Variants in IFT172 observed in about 807,000 individuals in gnomAD.
IFT172 encodes the protein intraflagellar transport protein 172 homolog.
IFT172 carries 164 observed loss-of-function variants against 248.9 expected under a neutral mutation model. The ratio of observed to expected loss-of-function variants is 0.66; its 90% CI spans 0.58 to 0.75. The LOEUF (loss-of-function observed/expected upper bound fraction) is 0.75. IFT172 is among the 30% of genes least tolerant of loss of function. The probability of loss-of-function intolerance (pLI) is 0.00; values close to 1 mark genes in which losing one functional copy is unlikely to be tolerated. For missense variants in IFT172, 1,950 were observed against 2,192.4 expected, an observed-to-expected ratio of 0.89 and a Z score of 2.21; for synonymous variants, 729 against 791.6, an observed-to-expected ratio of 0.92 and a Z score of 1.33.
At chr2:27,458,017 C>T (rs1432984867) in intron 27 of IFT172, 41 bp from the exon 28 acceptor site, 1 of 1,613,850 alleles carries the variant, frequency 6.2e-7, no homozygotes, top group Non-Finnish European at 8.5e-7. Flanking sequence ...AGACCCGACC[C>T]CTGCTATCAC....
At chr2:27,468,625 A>C (rs539284255) in intron 16 of IFT172, among the ~76,000 whole-genome samples, 26 of 151,804 alleles carry the variant, frequency 1.7e-4, no homozygotes, top group Non-Finnish European at 3.7e-4. Flanking sequence ...TGAGGCGGGC[A>C]GATCACGAGG....
intron 43 of IFT172, 95 bp from the exon 44 acceptor site, chr2:27,446,083 G>T: frequency 6.7e-7 from 1 of 1,485,568 alleles, no homozygotes; most frequent in South Asian, 1.1e-5. Context: ...AGCAAGCTGG[G>T]CTTGAATGCT....
chr2:27,461,899 G>GCT, intron 20 of IFT172, 63 bp from the exon 21 acceptor site: 1 of 1,582,086 alleles, frequency 6.3e-7, no homozygotes, highest in Non-Finnish European at 8.7e-7. Flanking sequence ...AAAGCAGCAA[G>GCT]CTCTCCTCAG....
rs747166252 is a variant in IFT172, at chr2:27,485,140, TAA to T, written c.184-12_184-11del. 1,776 of 1,272,778 alleles carry T rather than the reference TAA, an allele frequency of 1.4e-3. No individual in the cohort carries two copies. Among genetic ancestry groups the T allele is most frequent in the Non-Finnish European group, 1.6e-3 (1,510 of 920,594 alleles). The allele number at this position is 1,272,778 out of a possible 1,614,324, so 78.8% of individuals were successfully genotyped here. ...AGCTCTTCCTGCCATACTAAGAGTT[TAA>T]AAAAAAAAAAAGAAAGAAAAAGAAG... On this transcript the variant is annotated splice_polypyrimidine_tract_variant and intron_variant, in intron 2 of 47. Coordinates refer to ENST00000260570, the MANE Select transcript of IFT172 (RefSeq NM_015662.3).
intron 17 of IFT172, 35 bp from the exon 18 acceptor site, chr2:27,465,553 G>C (rs757279518): frequency 6.2e-7 from 1 of 1,602,958 alleles, no homozygotes; most frequent in South Asian, 1.1e-5. Context: ...TAATGAATGA[G>C]GAATGGGTTA....
In IFT172 at chr2:27,453,625, C is replaced by T. The variant is rs1251444157; in HGVS notation, c.3821+5G>A. The T allele has an allele frequency of 6.2e-7, 1 of 1,610,526 alleles. No individual in the cohort carries two copies. Among genetic ancestry groups the T allele is most frequent in the Admixed American group, 1.7e-5 (1 of 59,520 alleles). ...CCAATGCTGCCTGGACCTCTGGCCT[C>T]ATACCTGGCCCCCTTCTTAGTAGCT... is the stretch of plus-strand genomic sequence containing the variant. On this transcript the variant is annotated splice_donor_5th_base_variant and intron_variant, in intron 34 of 47. Transcript: ENST00000260570.
intron 20 of IFT172, among the ~76,000 whole-genome samples, chr2:27,462,275 C>T (rs917400160): frequency 1.3e-5 from 2 of 152,098 alleles, no homozygotes; most frequent in African/African-American, 2.4e-5. Flanking sequence ...TCATGTGATC[C>T]ACCTGCCTCA....
In IFT172 at chr2:27,476,650, T is replaced by C; in HGVS notation, c.1402A>G (p.Ile468Val). ...KLAYLIDIKTIAIVDLIGGYN... is the reference protein window; with the variant it reads ...KLAYLIDIKTVAIVDLIGGYN... ...AGAGAGTCTTACTCACCTATAGCAATAGTCTTAATATCAATAAGATAAGCC... is the reference window on the plus strand; with the variant it reads ...AGAGAGTCTTACTCACCTATAGCAACAGTCTTAATATCAATAAGATAAGCC... Residue 468 changes from isoleucine (I) to valine (V), a missense_variant, in exon 14 of 48, where the codon ATT (isoleucine) becomes GTT (valine). By Grantham distance (29) the Ile-to-Val change is conservative (BLOSUM62 3). Transcript: ENST00000260570. 6.4e-7 allele frequency: 1 copy of C among 1,568,754 alleles called. No homozygotes were observed. Among genetic ancestry groups the C allele is most frequent in the African/African-American group, 1.3e-5 (1 of 74,122 alleles).
intron 7 of IFT172, among the ~76,000 whole-genome samples, chr2:27,482,841 G>A (rs1053089286): frequency 6.6e-6 from 1 of 151,726 alleles, no homozygotes; most frequent in Admixed American, 6.6e-5. Flanking sequence ...TAAGCTCCAG[G>A]CTCCTAAACA....
chr2:27,476,633 T>G lies in IFT172; in HGVS notation c.1411+8A>C, dbSNP rs1343654184. The G allele has an allele frequency of 6.8e-7, 1 of 1,481,032 alleles. No individual in the cohort carries two copies. Among genetic ancestry groups the G allele is most frequent in the African/African-American group, 1.4e-5 (1 of 71,988 alleles). 91.7% of individuals were successfully genotyped at this position (1,481,032 alleles called of 1,614,324 possible). A position where few individuals can be genotyped will look rare whatever the true frequency, so the allele number is the denominator to read the frequency against. On this transcript the variant is annotated splice_region_variant and intron_variant, in intron 14 of 47. Transcript: ENST00000260570. The stretch of plus-strand genomic sequence containing the variant: ...TTGTTATTAAAATTATGAGAGAGTC[T>G]TACTCACCTATAGCAATAGTCTTAA...
At chr2:27,469,558 G>A (rs1487715161) in intron 16 of IFT172, among the ~76,000 whole-genome samples, 3 of 152,078 alleles carry the variant, frequency 2.0e-5, no homozygotes, top group Non-Finnish European at 4.4e-5. Context: ...CAGGCAGGGC[G>A]TGGTGGCTCA....
chr2:27,445,181 G>A lies in IFT172; in HGVS notation c.5069-76C>T, dbSNP rs1664947243. 4 of 1,596,992 alleles carry A rather than the reference G, an allele frequency of 2.5e-6. No individual in the cohort carries two copies. Among genetic ancestry groups the A allele is most frequent in the African/African-American group, 1.3e-5 (1 of 74,418 alleles). ...GGAAAAATGAGGAGCAGCCTGGGGGGTAGAAAGCACAGTCCTGTCTTTTGT... is the reference window on the plus strand; with the variant it reads ...GGAAAAATGAGGAGCAGCCTGGGGGATAGAAAGCACAGTCCTGTCTTTTGT... On this transcript the variant is annotated intron_variant, in intron 46 of 47. Transcript: ENST00000260570. The surrounding 1 kb of genome is among the most constrained non-coding windows in gnomAD (Gnocchi z 4.4).
At chr2:27,461,899 G>A (rs1666709494) in intron 20 of IFT172, 63 bp from the exon 21 acceptor site, 2 of 1,582,086 alleles carry the variant, frequency 1.3e-6, no homozygotes, top group Non-Finnish European at 1.7e-6. Context: ...AAAGCAGCAA[G>A]CTCTCCTCAG....
Position 27,461,766 on chromosome 2 carries a change from T to G in IFT172, c.2186A>C (p.Glu729Ala). The G allele has an allele frequency of 6.2e-7, 1 of 1,614,130 alleles. No homozygotes were observed. Among genetic ancestry groups the G allele is most frequent in the Admixed American group, 1.7e-5 (1 of 60,022 alleles). Residue 729 changes from glutamate to alanine, a missense_variant, in exon 21 of 48, where the codon GAA becomes GCA. Physicochemically the swap from Glu to Ala is moderately radical, Grantham distance 107. Coordinates refer to ENST00000260570, the MANE Select transcript of IFT172 (RefSeq NM_015662.3). ...AGAAGATAAAACAGGTACCTTGGCT[T>G]CAGCCACAGCGATACACTCATCCCA... ...HRWDECIAVA[E>A]AKGHPALEKL...
chr2:27,480,192 C>T, intron 8 of IFT172, 43 bp from the exon 9 acceptor site: 1 of 1,583,440 alleles, frequency 6.3e-7, no homozygotes, highest in Non-Finnish European at 8.6e-7. Context: ...TGAGGCTGAG[C>T]TAAAGAGTGC....
At chr2:27,446,585 C>T (rs1665125319) in intron 42 of IFT172, 3 of 421,222 alleles carry the variant, frequency 7.1e-6, no homozygotes, top group South Asian at 6.0e-5. Context: ...GCCATCTCAG[C>T]TCACTGCAAC....
intron 43 of IFT172, 74 bp from the exon 44 acceptor site, chr2:27,446,062 A>G: frequency 1.3e-6 from 2 of 1,565,694 alleles, no homozygotes; most frequent in Non-Finnish European, 1.8e-6. Flanking sequence ...ATCCAGATGC[A>G]AATGGGAGTG....
At chr2:27,459,685 C>G (rs772823893) in intron 24 of IFT172, 24 bp downstream of exon 24, 2 of 1,611,046 alleles carry the variant, frequency 1.2e-6, no homozygotes, top group Admixed American at 3.3e-5. Context: ...CCTAAATCTC[C>G]TTTACATTCC....
In IFT172 at chr2:27,461,305, G is replaced by A; in HGVS notation, c.2406C>T (p.Ile802=). 1 of 1,614,174 alleles carries A rather than the reference G, an allele frequency of 6.2e-7. No individual in the cohort carries two copies. Among genetic ancestry groups the A allele is most frequent in the Non-Finnish European group, 8.5e-7 (1 of 1,180,022 alleles). ...GTTCCCCCTTGATAAGGGCTGCAGT[G>A]ATGTGTTCTACCAGCTCTGTGTTGG... ...LLANTELVEH[I]TAALIKGELY... Residue 802 remains isoleucine, a synonymous_variant, in exon 22 of 48, where the codon ATC becomes ATT. Transcript: ENST00000260570.
Sources: gnomAD v4.1 joint callset for allele counts (sites outside exome capture counted in the v4.1 genomes callset) on GRCh38, gnomAD v4.1.1 for gene constraint, Gnocchi (gnomAD v3.1) non-coding constraint, MANE v1.5 for transcripts, NCBI Gene and HGNC (gene_info 2026-07-23, HGNC 2026-07-21) for gene names.